Variants in GABPA observed in about 807,000 individuals in gnomAD.
GABPA encodes the protein GA binding protein transcription factor subunit alpha, also known as GA-binding protein alpha chain.
In GABPA, 4 loss-of-function variants were observed where a neutral mutation model predicts 59.4. The observed-to-expected ratio is 0.07, with a 90% confidence interval of 0.03 to 0.15. GABPA has a LOEUF of 0.15. Among genes scored for constraint, GABPA ranks in the 10% least tolerant of loss-of-function variants. The pLI is 1.00. For synonymous variants in GABPA, 164 were observed against 183.1 expected (o/e 0.90, Z 0.84); for missense variants, 251 against 543.8 (o/e 0.46, Z 5.36).
rs1045747391 is a variant in GABPA, at chr21:25,735,325, T to C, written c.-280T>C. On this transcript the variant is annotated 5_prime_UTR_variant, in exon 1 of 10. Transcript: ENST00000400075. The stretch of plus-strand genomic sequence containing the variant: ...TGTGCTTCCTTGTACCTCGTGAGCC[T>C]CCGTTGCCTTGGGCGGTCGTTTTGC... 4 of 258,190 alleles carry C rather than the reference T, an allele frequency of 1.5e-5. No homozygotes were observed. Among genetic ancestry groups the C allele is most frequent in the Admixed American group, 5.2e-5 (1 of 19,386 alleles). 16.0% of individuals were successfully genotyped at this position (258,190 alleles called of 1,614,324 possible). A position where few individuals can be genotyped will look rare whatever the true frequency, so the allele number is the denominator to read the frequency against.
Position 25,771,515 on chromosome 21 carries a change from A to T in GABPA, c.*2283A>T, listed in dbSNP as rs1046483180. Reference sequence around the variant, plus strand: ...ACTAATTTCTCCAGTTGATTCAAGAAACTCATTACTTTGCCTCAAATTATA... The same window carrying T: ...ACTAATTTCTCCAGTTGATTCAAGATACTCATTACTTTGCCTCAAATTATA... On this transcript the variant is annotated 3_prime_UTR_variant, in exon 10 of 10. Transcript: ENST00000400075. The T allele has an allele frequency of 3.3e-5, 5 of 151,884 alleles. No homozygotes were observed. The highest frequency in any genetic ancestry group is 1.2e-4 in the African/African-American group (5 of 41,420). 9.4% of individuals were successfully genotyped at this position (151,884 alleles called of 1,614,324 possible).
intron 2 of GABPA, among the ~76,000 whole-genome samples, chr21:25,743,612 G>A (rs1044254894): frequency 1.3e-5 from 2 of 149,266 alleles, no homozygotes; most frequent in African/African-American, 5.0e-5. Context: ...AGAGAAATTG[G>A]TACTTTAGAT....
At chr21:25,765,299 A>C (rs1367248213) in intron 9 of GABPA, among the ~76,000 whole-genome samples, 2 of 152,086 alleles carry the variant, frequency 1.3e-5, no homozygotes, top group African/African-American at 4.8e-5. Context: ...ACATTTAAGT[A>C]TCTGAGAAGA....
chr21:25,751,885 G>A (rs2035521991), intron 4 of GABPA, 104 bp from the exon 5 acceptor site: 19 of 1,134,600 alleles, frequency 1.7e-5, no homozygotes, highest in Non-Finnish European at 2.3e-5. Flanking sequence ...TGCTTTATTC[G>A]ATGTAGTTTT....
At chr21:25,761,133 C>A (rs2035756574) in intron 6 of GABPA, among the ~76,000 whole-genome samples, 1 of 152,040 alleles carries the variant, frequency 6.6e-6, no homozygotes, top group South Asian at 2.1e-4. Flanking sequence ...GACCACAGTT[C>A]TGGAGGAGAA....
chr21:25,754,614 T>G (rs2035589175), intron 5 of GABPA, among the ~76,000 whole-genome samples: 1 of 150,422 alleles, frequency 6.6e-6, no homozygotes, highest in Admixed American at 6.6e-5. Flanking sequence ...ATATTGATTA[T>G]ATATTTTTTT....
intron 3 of GABPA, among the ~76,000 whole-genome samples, chr21:25,745,901 A>G (rs561470147): frequency 6.6e-6 from 1 of 152,358 alleles, no homozygotes; most frequent in African/African-American, 2.4e-5. Flanking sequence ...AGTATGTTTT[A>G]AAGATAGGTA....
In GABPA at chr21:25,771,681, C is replaced by T. The variant is rs2036013662; in HGVS notation, c.*2449C>T. 1 of 151,812 alleles carries T rather than the reference C, an allele frequency of 6.6e-6. No homozygotes were observed. Among genetic ancestry groups the T allele is most frequent in the Non-Finnish European group, 1.5e-5 (1 of 67,838 alleles). 9.4% of individuals were successfully genotyped at this position (151,812 alleles called of 1,614,324 possible). A position where few individuals can be genotyped will look rare whatever the true frequency, so the allele number is the denominator to read the frequency against. On this transcript the variant is annotated 3_prime_UTR_variant, in exon 10 of 10. Coordinates refer to ENST00000400075, the MANE Select transcript of GABPA (RefSeq NM_002040.4). Reference sequence around the variant, plus strand: ...ATAAATGAATTTTTCATAGAATTTACAGTATATTCAAAGGAAGAAAGATAA... The same window carrying T: ...ATAAATGAATTTTTCATAGAATTTATAGTATATTCAAAGGAAGAAAGATAA...
At chr21:25,751,434 A>G (rs562926707) in intron 4 of GABPA, among the ~76,000 whole-genome samples, 2 of 151,580 alleles carry the variant, frequency 1.3e-5, no homozygotes, top group South Asian at 4.1e-4. Flanking sequence ...GGAGCTTAAA[A>G]TATTCAGGAT....
intron 5 of GABPA, among the ~76,000 whole-genome samples, chr21:25,757,222 T>C (rs896584801): frequency 6.6e-6 from 1 of 152,222 alleles, no homozygotes. Context: ...TTAGCTAATA[T>C]GTATTAAACT....
chr21:25,756,191 GT>G (rs3084180), intron 5 of GABPA, among the ~76,000 whole-genome samples: 8 of 151,528 alleles, frequency 5.3e-5, no homozygotes, highest in Non-Finnish European at 1.0e-4. Flanking sequence ...TTTTCCCTGA[GT>G]TTTTTTTATT....
rs557191799 is a variant in GABPA, at chr21:25,771,758, A to G, written c.*2526A>G. The G allele has an allele frequency of 6.6e-6, 1 of 152,158 alleles. No individual in the cohort carries two copies. Among genetic ancestry groups the G allele is most frequent in the South Asian group, 2.1e-4 (1 of 4,828 alleles). The allele number at this position is 152,158 out of a possible 1,614,324, so 9.4% of individuals were successfully genotyped here. A position where few individuals can be genotyped will look rare whatever the true frequency, so the allele number is the denominator to read the frequency against. On this transcript the variant is annotated 3_prime_UTR_variant, in exon 10 of 10. Coordinates refer to ENST00000400075, the MANE Select transcript of GABPA (RefSeq NM_002040.4). Reference sequence around the variant, plus strand: ...GAAGTACAAGAATTTAAGTAAAAGAAATGTTCATTTTTGTTTTAAAATTTG... The same window carrying G: ...GAAGTACAAGAATTTAAGTAAAAGAGATGTTCATTTTTGTTTTAAAATTTG...
In GABPA at chr21:25,758,203, A is replaced by C; in HGVS notation, c.747A>C (p.Lys249Asn). The C allele has an allele frequency of 1.3e-6, 2 of 1,575,818 alleles. No individual in the cohort carries two copies. The highest frequency in any genetic ancestry group is 1.7e-6 in the Non-Finnish European group (2 of 1,160,984). Reference protein sequence around the residue: ...ILWSHLELLRKYVLASQEQQM... With the variant: ...ILWSHLELLRNYVLASQEQQM... Reference sequence around the variant, plus strand: ...GGAGTCATCTGGAACTTCTCCGAAAATGTATGAAATTACAGTTATTTCTTT... The same window carrying C: ...GGAGTCATCTGGAACTTCTCCGAAACTGTATGAAATTACAGTTATTTCTTT... Residue 249 changes from lysine to asparagine, a missense_variant and splice_region_variant, in exon 6 of 10, where the codon AAA becomes AAC. Coordinates refer to ENST00000400075, the MANE Select transcript of GABPA (RefSeq NM_002040.4).
chr21:25,759,692 G>A (rs1381537836), intron 6 of GABPA, among the ~76,000 whole-genome samples: 1 of 152,016 alleles, frequency 6.6e-6, no homozygotes, highest in Admixed American at 6.6e-5. Context: ...AGATAAGTAA[G>A]TTGAATGTCC....
At chr21:25,750,852 G>A (rs1445668727) in intron 4 of GABPA, among the ~76,000 whole-genome samples, 2 of 152,080 alleles carry the variant, frequency 1.3e-5, no homozygotes, top group Non-Finnish European at 2.9e-5. Flanking sequence ...TCTAGATGAA[G>A]GATTAGGAAA....
In GABPA at chr21:25,741,639, T is replaced by C; in HGVS notation, c.41T>C (p.Ile14Thr). 1 of 1,613,014 alleles carries C rather than the reference T, an allele frequency of 6.2e-7. No homozygotes were observed. Among genetic ancestry groups the C allele is most frequent in the Non-Finnish European group, 8.5e-7 (1 of 1,179,448 alleles). The change falls in exon 2 of 10, where the codon ATT becomes ACT. Residue 14 changes from isoleucine to threonine, a missense_variant. Around this residue, in one of 4 missense-constraint regions of GABPA, gnomAD observed 207 missense variants for 366.7 expected, o/e 0.56. Transcript: ENST00000400075. ...REAEELIEIE[I>T]DGTEKAECTE... Reference sequence around the variant, plus strand: ...GCAGAGGAGCTGATAGAAATTGAGATTGATGGAACAGAGAAAGCAGAGTGC... The same window carrying C: ...GCAGAGGAGCTGATAGAAATTGAGACTGATGGAACAGAGAAAGCAGAGTGC...
intron 1 of GABPA, among the ~76,000 whole-genome samples, chr21:25,737,393 C>G (rs1292099104): frequency 6.6e-6 from 1 of 152,196 alleles, no homozygotes; most frequent in Non-Finnish European, 1.5e-5. Flanking sequence ...CTGGACTAAG[C>G]ATAGAGAACC....
At position 25,741,686 on chromosome 21, in the gene GABPA, C is replaced by T; in HGVS notation, c.77+11C>T. On this transcript the variant is annotated intron_variant, in intron 2 of 9. Coordinates refer to ENST00000400075, the MANE Select transcript of GABPA (RefSeq NM_002040.4). The stretch of plus-strand genomic sequence containing the variant: ...GTGCACAGAAGAAAGGTTGGTGTTT[C>T]TGAATTTATCATTTTTTTTCAAAAT... The T allele has an allele frequency of 6.3e-7, 1 of 1,579,070 alleles. No homozygotes were observed. Among genetic ancestry groups the T allele is most frequent in the Non-Finnish European group, 8.6e-7 (1 of 1,157,056 alleles).
intron 4 of GABPA, among the ~76,000 whole-genome samples, chr21:25,750,114 T>A (rs2035471651): frequency 1.3e-5 from 2 of 152,180 alleles, no homozygotes; most frequent in Admixed American, 1.3e-4. Flanking sequence ...AGTGACAGAG[T>A]ATCAGGCATT....
Sources: allele counts gnomAD v4.1 joint callset (sites outside exome capture counted in the v4.1 genomes callset), GRCh38; gene constraint gnomAD v4.1.1; regional missense constraint gnomAD v4.1.1; transcripts MANE v1.5; gene names NCBI Gene and HGNC (gene_info 2026-07-23, HGNC 2026-07-21).